Variants in CPPED1 observed in about 807,000 individuals in gnomAD.
CPPED1 encodes the protein calcineurin like phosphoesterase domain containing 1.
A neutral mutation model predicts 28.0 loss-of-function variants in CPPED1; 28 were observed. That is an observed-to-expected ratio of 1.00 (90% CI 0.74 to 1.37). The LOEUF is 1.37. Among genes scored for constraint, CPPED1 ranks in the 40% most tolerant of loss-of-function variants. The pLI, the probability that CPPED1 is intolerant of heterozygous loss-of-function variation, is 0.00. For missense variants in CPPED1, 504 were observed against 416.5 expected (o/e 1.21, Z -1.83); for synonymous variants, 198 against 180.2 (o/e 1.10, Z -0.79).
intron 1 of CPPED1, among the ~76,000 whole-genome samples, chr16:12,798,417 C>T (rs1360555155): frequency 6.6e-6 from 1 of 152,196 alleles, no homozygotes; most frequent in Non-Finnish European, 1.5e-5. Context: ...ATATTTTCAA[C>T]TTTGTTCAAA....
At chr16:12,707,873 G>A (rs772139526) in intron 2 of CPPED1, among the ~76,000 whole-genome samples, 18 of 152,158 alleles carry the variant, frequency 1.2e-4, no homozygotes, top group Admixed American at 7.2e-4. Flanking sequence ...TTGGCAGGGC[G>A]TACTGATGCA....
intron 3 of CPPED1, among the ~76,000 whole-genome samples, chr16:12,683,613 G>T (rs2079917442): frequency 6.6e-6 from 1 of 152,132 alleles, no homozygotes; most frequent in South Asian, 2.1e-4. Flanking sequence ...GCACCATGCA[G>T]TCATCCAACC....
chr16:12,770,160 T>C (rs748516896), intron 2 of CPPED1, among the ~76,000 whole-genome samples: 4 of 152,184 alleles, frequency 2.6e-5, no homozygotes, highest in Non-Finnish European at 5.9e-5. Context: ...AGAAAAGTCC[T>C]GGTCAGTCCC....
intron 2 of CPPED1, among the ~76,000 whole-genome samples, chr16:12,738,172 A>G (rs2080236793): frequency 6.6e-6 from 1 of 152,192 alleles, no homozygotes; most frequent in South Asian, 2.1e-4. Flanking sequence ...TTCTTAATGA[A>G]AGGACATTAC....
At chr16:12,722,323 G>A (rs748181697) in intron 2 of CPPED1, among the ~76,000 whole-genome samples, 3 of 152,168 alleles carry the variant, frequency 2.0e-5, no homozygotes, top group South Asian at 2.1e-4. Flanking sequence ...AGTAGATGCC[G>A]AGCAGTTAGT....
chr16:12,672,570 C>G (rs1191056054), intron 3 of CPPED1, among the ~76,000 whole-genome samples: 1 of 152,214 alleles, frequency 6.6e-6, no homozygotes, highest in East Asian at 1.9e-4. Context: ...TGTGCATATA[C>G]AGGCTCGTGT....
At chr16:12,736,801 T>C (rs62027312) in intron 2 of CPPED1, among the ~76,000 whole-genome samples, 7,352 of 152,194 alleles carry the variant, frequency 0.048, 249 homozygotes, top group Middle Eastern at 0.082. Context: ...GTGCAGCTAA[T>C]AGGTAAAGCA....
chr16:12,674,971 A>AG (rs1017617592), intron 3 of CPPED1, among the ~76,000 whole-genome samples: 102 of 152,212 alleles, frequency 6.7e-4, no homozygotes, highest in African/African-American at 2.3e-3. Context: ...TCACTGCTGG[A>AG]GGGGGGCACA....
rs550972361 is a variant in CPPED1, at chr16:12,736,382, G to T, written c.290-31333C>A. Among the ~76,000 whole-genome samples, 7 of 151,850 alleles carry T rather than the reference G, an allele frequency of 4.6e-5. No homozygotes were observed. In the South Asian group the frequency reaches 1.5e-3, roughly 32 times the overall value. The stretch of plus-strand genomic sequence containing the variant: ...TACCTCCCGGGTAGCTAAGATTACA[G>T]GCACATACCACCATGCCTGGCTAAT... On this transcript the variant is annotated intron_variant, in intron 2 of 3. Transcript: ENST00000381774.
At chr16:12,698,696 G>T (rs1205610381) in intron 3 of CPPED1, among the ~76,000 whole-genome samples, 3 of 152,160 alleles carry the variant, frequency 2.0e-5, no homozygotes, top group South Asian at 2.1e-4. Flanking sequence ...CTCCCAAAGT[G>T]CCGGGATTAC....
chr16:12,715,747 C>T (rs1226772964), intron 2 of CPPED1, among the ~76,000 whole-genome samples: 3 of 152,258 alleles, frequency 2.0e-5, no homozygotes, highest in East Asian at 1.9e-4. Context: ...AGGCTGGTCT[C>T]GAACCCCCGA....
chr16:12,775,083 G>A (rs2080489976), intron 2 of CPPED1, among the ~76,000 whole-genome samples: 1 of 152,166 alleles, frequency 6.6e-6, no homozygotes, highest in Non-Finnish European at 1.5e-5. Flanking sequence ...GCCTCCCAAA[G>A]TGCTGGGATT....
At chr16:12,774,046 G>A (rs1390277857) in intron 2 of CPPED1, among the ~76,000 whole-genome samples, 1 of 152,148 alleles carries the variant, frequency 6.6e-6, no homozygotes, top group Non-Finnish European at 1.5e-5. Flanking sequence ...ACAATGCTGC[G>A]TTCTGACTCA....
Position 12,662,714 on chromosome 16 carries a change from T to C in CPPED1, c.*2172A>G, listed in dbSNP as rs567587787. On this transcript the variant is annotated 3_prime_UTR_variant, in exon 4 of 4. Coordinates refer to ENST00000381774, the MANE Select transcript of CPPED1 (RefSeq NM_018340.3). ...GGTTGCTGCAAAAGACATGGTTTCA[T>C]TCTTTTTAGTGGCTGAATAGTATTC... 7 of 152,362 alleles carry C rather than the reference T, an allele frequency of 4.6e-5. No individual in the cohort carries two copies. Among genetic ancestry groups the C allele is most frequent in the Admixed American group, 6.5e-5 (1 of 15,310 alleles). The allele number at this position is 152,362 out of a possible 1,614,324, so 9.4% of individuals were successfully genotyped here.
intron 2 of CPPED1, among the ~76,000 whole-genome samples, chr16:12,718,389 A>C (rs1366838345): frequency 6.6e-6 from 1 of 151,794 alleles, no homozygotes; most frequent in South Asian, 2.1e-4. Flanking sequence ...AAATACAAAA[A>C]CTAGCTGGGC....
At chr16:12,748,345 C>T (rs2080304650) in intron 2 of CPPED1, among the ~76,000 whole-genome samples, 1 of 152,128 alleles carries the variant, frequency 6.6e-6, no homozygotes, top group Non-Finnish European at 1.5e-5. Context: ...TTCTAACATA[C>T]AGGGAAACAA....
At chr16:12,736,239 A>G (rs1253120511) in intron 2 of CPPED1, among the ~76,000 whole-genome samples, 2 of 147,516 alleles carry the variant, frequency 1.4e-5, no homozygotes, top group Non-Finnish European at 3.0e-5. Context: ...AAGGTTAAAC[A>G]CCTTTGGATT....
chr16:12,677,273 G>A (rs1004591299), intron 3 of CPPED1, among the ~76,000 whole-genome samples: 7 of 152,228 alleles, frequency 4.6e-5, no homozygotes, highest in African/African-American at 1.7e-4. Flanking sequence ...GAGGATAGGC[G>A]AGGGCGGGGA....
chr16:12,669,872 A>G (rs1343119368), intron 3 of CPPED1, among the ~76,000 whole-genome samples: 1 of 152,240 alleles, frequency 6.6e-6, no homozygotes, highest in East Asian at 1.9e-4. Flanking sequence ...TGGTGCTCAG[A>G]AACAAAAACC....
Sources: allele counts gnomAD v4.1 joint callset (sites outside exome capture counted in the v4.1 genomes callset), GRCh38; gene constraint gnomAD v4.1.1; transcripts MANE v1.5; gene names NCBI Gene and HGNC (gene_info 2026-07-23, HGNC 2026-07-21).